RNASEK: variants seen among roughly 807,000 people sequenced by gnomAD.
RNASEK encodes ribonuclease kappa.
RNASEK carries 7 observed loss-of-function variants against 11.2 expected under a neutral mutation model. The observed-to-expected ratio is 0.62, with a 90% CI of 0.35 to 1.17. The LOEUF (loss-of-function observed/expected upper bound fraction) is 1.17, where lower values mean the gene tolerates loss of function less well. Among genes scored for constraint, RNASEK ranks in the 50% most tolerant of loss-of-function variants. The probability of loss-of-function intolerance (pLI) is 0.02; values close to 1 mark genes in which losing one functional copy is unlikely to be tolerated. For synonymous variants in RNASEK, 46 were observed against 49.5 expected, an observed-to-expected ratio of 0.93 and a Z score of 0.30; for missense variants, 101 against 126.7, an observed-to-expected ratio of 0.80 and a Z score of 0.97.
Position 7,013,665 on chromosome 17 carries a change from G to C in RNASEK, c.79-1G>C. 6.2e-7 allele frequency: 1 copy of C among 1,612,838 alleles called. No individual in the cohort carries two copies. The highest frequency in any genetic ancestry group is 1.1e-5 in the South Asian group (1 of 91,066). Reference sequence around the variant, plus strand: ...ACAGTCTACCCATTCCCCTTTTCCAGATAATGCTCGGAATATTTTTCAATG... The same window carrying C: ...ACAGTCTACCCATTCCCCTTTTCCACATAATGCTCGGAATATTTTTCAATG... On this transcript the variant is annotated splice_acceptor_variant, in intron 1 of 2. Coordinates refer to ENST00000593646, the MANE Select transcript of RNASEK (RefSeq NM_001004333.5). LOFTEE classifies it high-confidence loss of function.
rs1357451584 is a variant in RNASEK, at chr17:7,014,456, C to T, written c.*170C>T. ...TGGCATCCGGCCCCCGTGGAGAGGG[C>T]TGAGGCTGGGGGGCTGTTCCGTTTC... On this transcript the variant is annotated 3_prime_UTR_variant, in exon 3 of 3. Coordinates refer to ENST00000593646, the MANE Select transcript of RNASEK (RefSeq NM_001004333.5). The surrounding 1 kb of genome is among the most constrained non-coding windows in gnomAD (Gnocchi z 4.5). 4.3e-6 allele frequency: 3 copies of T among 695,278 alleles called. No homozygotes were observed. The Admixed American group carries it at 8.4e-5, about 20-fold the overall frequency. The allele number at this position is 695,278 out of a possible 1,614,324, so 43.1% of individuals were successfully genotyped here.
intron 1 of RNASEK, chr17:7,013,433 T>A: frequency 3.3e-6 from 5 of 1,536,608 alleles, no homozygotes; most frequent in Non-Finnish European, 4.4e-6. Context: ...ATAATCTGGG[T>A]TCCTGGGAGA....
chr17:7,013,572 G>C (rs560161896), intron 1 of RNASEK, 94 bp from the exon 2 acceptor site: 1 of 1,606,048 alleles, frequency 6.2e-7, no homozygotes, highest in Non-Finnish European at 8.5e-7. Context: ...CTCAGGCTCG[G>C]GTGTTGTAGC....
intron 1 of RNASEK, chr17:7,013,345 G>C: frequency 6.6e-7 from 1 of 1,525,834 alleles, no homozygotes; most frequent in South Asian, 1.2e-5. Flanking sequence ...ACTTCAAGAA[G>C]AAATGATATG....
rs373350752 is a variant in RNASEK, at chr17:7,013,617, A to G, written c.79-49A>G. 3.8e-6 allele frequency: 6 copies of G among 1,595,794 alleles called. No homozygotes were observed. In the Admixed American group the frequency reaches 8.3e-5, roughly 22 times the overall value. ...AATGGGAGGGGTTTACGAAGTGAAC[A>G]TGAGGTCAGGTGCCTGAATTCAACA... On this transcript the variant is annotated intron_variant, in intron 1 of 2. Transcript: ENST00000593646.
chr17:7,013,388 ACTGTC>A (rs1343841194), intron 1 of RNASEK: 1 of 1,535,458 alleles, frequency 6.5e-7, no homozygotes, highest in African/African-American at 1.4e-5. Flanking sequence ...CCTCTTCCGC[ACTGTC>A]CCGTGATGAT....
intron 1 of RNASEK, chr17:7,012,962 T>TA: frequency 1.7e-6 from 1 of 583,550 alleles, no homozygotes; most frequent in Non-Finnish European, 3.0e-6. Context: ...CCGTCTCCAA[T>TA]AAAAATACAA....
chr17:7,013,330 C>T (rs1214392709), intron 1 of RNASEK: 1 of 1,521,314 alleles, frequency 6.6e-7, no homozygotes, highest in Non-Finnish European at 8.8e-7. Flanking sequence ...AATCCACCCA[C>T]CGCCACTTCA....
intron 2 of RNASEK, 70 bp downstream of exon 2, chr17:7,013,812 G>T (rs763481755): frequency 1.6e-6 from 2 of 1,229,000 alleles, no homozygotes; most frequent in Non-Finnish European, 2.4e-6. Flanking sequence ...TCAGAATTAC[G>T]TCTGGGAGGC....
At chr17:7,013,027 AG>A (rs1909527320) in intron 1 of RNASEK, 1 of 493,172 alleles carries the variant, frequency 2.0e-6, no homozygotes, top group African/African-American at 1.9e-5. Context: ...CAGGAGGCTG[AG>A]GCAGGAGAAT....
rs1909486770 is a variant in RNASEK at position 7,012,679 on chromosome 17, TC to T, written c.-4del. The T allele has an allele frequency of 1.2e-6, 2 of 1,612,938 alleles. No individual in the cohort carries two copies. The highest frequency in any genetic ancestry group is 1.7e-6 in the Non-Finnish European group (2 of 1,179,812). ...GCACCTCGGCGATCCCCGACTCCCT[TC>T]TTTATGGCGTCGCTCCTGTGCTGTG... On this transcript the variant is annotated 5_prime_UTR_variant, in exon 1 of 3. Coordinates refer to ENST00000593646, the MANE Select transcript of RNASEK (RefSeq NM_001004333.5).
intron 1 of RNASEK, chr17:7,013,155 G>C (rs2151651890): frequency 1.9e-6 from 1 of 520,404 alleles, no homozygotes; most frequent in East Asian, 3.5e-5. Context: ...AACTGGAGCG[G>C]AGGGCCCTGG....
chr17:7,013,617 A>T, intron 1 of RNASEK, 49 bp from the exon 2 acceptor site: 1 of 1,595,794 alleles, frequency 6.3e-7, no homozygotes, highest in Middle Eastern at 1.7e-4. Context: ...CGAAGTGAAC[A>T]TGAGGTCAGG....
At position 7,012,775 on chromosome 17, in the gene RNASEK, C is replaced by T; in HGVS notation, c.78+14C>T. 1 of 1,610,736 alleles carries T rather than the reference C, an allele frequency of 6.2e-7. No individual in the cohort carries two copies. The highest frequency in any genetic ancestry group is 1.7e-4 in the Middle Eastern group (1 of 6,046). On this transcript the variant is annotated intron_variant, in intron 1 of 2. Coordinates refer to ENST00000593646, the MANE Select transcript of RNASEK (RefSeq NM_001004333.5). ...GTGATCATGTTGGTGAGGGGACTCC[C>T]CGGCAAGGATCGGAGAGGGCCTGAG...
intron 1 of RNASEK, chr17:7,013,049 C>G: frequency 2.2e-6 from 1 of 464,170 alleles, no homozygotes; most frequent in Non-Finnish European, 3.9e-6. Context: ...CGCTTGAATC[C>G]GGGAGGCGGA....
At position 7,013,157 on chromosome 17, in the gene RNASEK, G is replaced by A. The variant is rs770574309; in HGVS notation, c.78+396G>A. ...AAAGAAAAAAGGGAACTGGAGCGGA[G>A]GGCCCTGGAGTGGGAGGAGCCAGGG... On this transcript the variant is annotated intron_variant, in intron 1 of 2. Transcript: ENST00000593646. The A allele has an allele frequency of 7.7e-6, 4 of 522,432 alleles. No homozygotes were observed. The Admixed American group carries it at 1.1e-4, about 14-fold the overall frequency. The allele number at this position is 522,432 out of a possible 1,614,324, so 32.4% of individuals were successfully genotyped here. A position where few individuals can be genotyped will look rare whatever the true frequency, so the allele number is the denominator to read the frequency against.
At chr17:7,013,459 A>G (rs1348727365) in intron 1 of RNASEK, 3 of 1,540,084 alleles carry the variant, frequency 1.9e-6, no homozygotes, top group South Asian at 2.4e-5. Context: ...CTTGGTCACT[A>G]TTCCCACCCT....
Position 7,013,760 on chromosome 17 carries a change from G to GGGT in RNASEK, c.155+19_155+20insGTG. The GGGT allele has an allele frequency of 6.3e-7, 1 of 1,577,534 alleles. No individual in the cohort carries two copies. The highest frequency in any genetic ancestry group is 8.7e-7 in the Non-Finnish European group (1 of 1,146,596). On this transcript the variant is annotated intron_variant, in intron 2 of 2. Coordinates refer to ENST00000593646, the MANE Select transcript of RNASEK (RefSeq NM_001004333.5). ...GATTTTGAGTAAGTATTCGGGTGGG[G>GGGT]GAGGCGGGCTGGGAGCAGGTGGGAG...
chr17:7,014,380 T>A lies in RNASEK; in HGVS notation c.*94T>A. 1 of 1,378,914 alleles carries A rather than the reference T, an allele frequency of 7.3e-7. No individual in the cohort carries two copies. The highest frequency in any genetic ancestry group is 1.0e-6 in the Non-Finnish European group (1 of 994,914). 85.4% of individuals were successfully genotyped at this position (1,378,914 alleles called of 1,614,324 possible). A position where few individuals can be genotyped will look rare whatever the true frequency, so the allele number is the denominator to read the frequency against. On this transcript the variant is annotated 3_prime_UTR_variant, in exon 3 of 3. Transcript: ENST00000593646. This position sits in a 1 kb window ranked among gnomAD's most constrained non-coding sequence, Gnocchi z 4.5. ...TCGCGTCCCACCCTTGCCGGCGCCC[T>A]CTGCGGGACTGGGTTTCCCGGGCGA...
Sources: allele counts gnomAD v4.1 joint callset, GRCh38; gene constraint gnomAD v4.1.1; non-coding constraint Gnocchi (gnomAD v3.1); transcripts MANE v1.5; gene names NCBI Gene and HGNC (gene_info 2026-07-23, HGNC 2026-07-21).